The following RBFOX2 variants were observed in gnomAD, a reference collection of about 807,000 sequenced individuals.
RBFOX2 encodes the protein RNA binding protein fox-1 homolog 2.
RBFOX2 carries 10 observed loss-of-function variants against 49.1 expected under a neutral mutation model. The ratio of observed to expected loss-of-function variants is 0.20; its 90% CI spans 0.13 to 0.35. RBFOX2 has a LOEUF of 0.35. Ranked by LOEUF, RBFOX2 falls within the 10% of genes least tolerant of loss-of-function variation. The pLI, the probability that RBFOX2 is intolerant of heterozygous loss-of-function variation, is 1.00. For missense variants in RBFOX2, 323 were observed against 486.9 expected (o/e 0.66, Z 3.17); for synonymous variants, 183 against 187.4 (o/e 0.98, Z 0.19).
chr22:35,942,900 G>T (rs2053855310), upstream of RBFOX2, among the ~76,000 whole-genome samples: 1 of 152,114 alleles, frequency 6.6e-6, no homozygotes, highest in Admixed American at 6.5e-5. Flanking sequence ...TAAAGCTGTT[G>T]TCAGTGTTTC....
intron 1 of RBFOX2, chr22:35,999,572 TAA>T (rs1303637432): frequency 2.6e-5 from 4 of 152,004 alleles, no homozygotes; most frequent in African/African-American, 9.6e-5. Context: ...AACATAAAAA[TAA>T]GTGATGAAAA....
chr22:36,028,532 G>C (rs892528409), exon 1 of RBFOX2: 1 of 959,874 alleles, frequency 1.0e-6, no homozygotes, highest in African/African-American at 1.8e-5. Context: ...GCCTGCCCCC[G>C]CCCCCGCGTG....
chr22:35,791,119 T>C (rs186692476), intron 2 of RBFOX2, among the ~76,000 whole-genome samples: 6 of 152,180 alleles, frequency 3.9e-5, no homozygotes, highest in Admixed American at 3.9e-4. Flanking sequence ...GCGCAGTGGC[T>C]CATGCCTGTA....
chr22:35,853,099 G>A (rs530382759), intron 1 of RBFOX2, among the ~76,000 whole-genome samples: 2 of 152,148 alleles, frequency 1.3e-5, no homozygotes, highest in Admixed American at 1.3e-4. Flanking sequence ...TTTGAGACCA[G>A]CCTGGCCAAC....
intron 9 of RBFOX2, among the ~76,000 whole-genome samples, chr22:35,751,985 A>T (rs919386456): frequency 6.6e-6 from 1 of 152,244 alleles, no homozygotes; most frequent in African/African-American, 2.4e-5. Flanking sequence ...TTCTCCTAGC[A>T]TCCAGCTATC....
intron 1 of RBFOX2, among the ~76,000 whole-genome samples, chr22:35,952,203 C>T (rs1278244297): frequency 6.6e-6 from 1 of 152,206 alleles, no homozygotes; most frequent in African/African-American, 2.4e-5. Flanking sequence ...CCTGTGACTC[C>T]ACTTGGAAAG....
chr22:35,817,132 C>T (rs1953270726), intron 1 of RBFOX2, among the ~76,000 whole-genome samples: 1 of 151,422 alleles, frequency 6.6e-6, no homozygotes, highest in African/African-American at 2.4e-5. Flanking sequence ...GCCTCCAGGA[C>T]ATGTCCTGAA....
intron 1 of RBFOX2, among the ~76,000 whole-genome samples, chr22:35,911,009 G>A (rs1447510328): frequency 1.3e-5 from 2 of 152,122 alleles, no homozygotes; most frequent in African/African-American, 2.4e-5. Context: ...CCCCCACATG[G>A]AAAGCTATAA....
chr22:35,772,768 T>G (rs1295835279), intron 4 of RBFOX2, among the ~76,000 whole-genome samples: 1 of 152,198 alleles, frequency 6.6e-6, no homozygotes, highest in African/African-American at 2.4e-5. Context: ...AGCCTGCCTT[T>G]ACATCATCGA....
intron 1 of RBFOX2, among the ~76,000 whole-genome samples, chr22:36,013,766 G>A (rs550902248): frequency 6.6e-6 from 1 of 152,126 alleles, no homozygotes; most frequent in African/African-American, 2.4e-5. Context: ...AATACAGAGA[G>A]TATGCTAATA....
At chr22:36,014,279 C>T (rs1012100696) in intron 1 of RBFOX2, among the ~76,000 whole-genome samples, 12 of 152,004 alleles carry the variant, frequency 7.9e-5, no homozygotes, top group African/African-American at 1.2e-4. Flanking sequence ...CCCGCCACCA[C>T]GCCCAGCTAA....
intron 1 of RBFOX2, among the ~76,000 whole-genome samples, chr22:35,896,136 G>T (rs954433790): frequency 1.3e-5 from 2 of 152,044 alleles, no homozygotes; most frequent in Non-Finnish European, 2.9e-5. Context: ...TTCTCTGTGG[G>T]GACTGGTGTT....
chr22:35,772,512 C>T (rs753829191), intron 4 of RBFOX2, among the ~76,000 whole-genome samples: 24 of 152,080 alleles, frequency 1.6e-4, no homozygotes, highest in African/African-American at 2.9e-4. Flanking sequence ...GGCACACCTC[C>T]GTTTAAACTC....
chr22:35,784,211 C>T (rs1945860861), intron 2 of RBFOX2, among the ~76,000 whole-genome samples: 1 of 152,202 alleles, frequency 6.6e-6, no homozygotes, highest in Non-Finnish European at 1.5e-5. Context: ...GTTAGTTACA[C>T]ATTGTCACCA....
At chr22:35,832,788 G>A (rs1957030363) in intron 1 of RBFOX2, among the ~76,000 whole-genome samples, 1 of 152,152 alleles carries the variant, frequency 6.6e-6, no homozygotes, top group East Asian at 1.9e-4. Context: ...GCCAAGATCT[G>A]AGCCAAGACT....
chr22:35,757,537 T>TA (rs1158631687), intron 9 of RBFOX2, among the ~76,000 whole-genome samples: 1 of 152,228 alleles, frequency 6.6e-6, no homozygotes, highest in Non-Finnish European at 1.5e-5. Context: ...ATCATATTTT[T>TA]AACTTGAATA....
At chr22:36,027,028 T>C (rs1569524791) in intron 1 of RBFOX2, among the ~76,000 whole-genome samples, 2 of 152,186 alleles carry the variant, frequency 1.3e-5, no homozygotes, top group Non-Finnish European at 2.9e-5. Flanking sequence ...CTAGTTTTAC[T>C]ATTAGCTAAC....
intron 1 of RBFOX2, among the ~76,000 whole-genome samples, chr22:35,827,271 GA>G (rs537641151): frequency 1.7e-4 from 26 of 152,272 alleles, no homozygotes; most frequent in African/African-American, 5.3e-4. Flanking sequence ...TTAACACAGT[GA>G]AAAAATAGTA....
chr22:35,934,309 T>G (rs1248965584), intron 1 of RBFOX2, among the ~76,000 whole-genome samples: 2 of 152,144 alleles, frequency 1.3e-5, no homozygotes, highest in East Asian at 3.8e-4. Flanking sequence ...TATATTTGTT[T>G]AAATTAAAAA....
Sources: allele counts gnomAD v4.1 joint callset (sites outside exome capture counted in the v4.1 genomes callset), GRCh38; gene constraint gnomAD v4.1.1; transcripts MANE v1.5; gene names NCBI Gene and HGNC (gene_info 2026-07-23, HGNC 2026-07-21).